Variants in PTPRD observed in about 807,000 individuals in gnomAD.
PTPRD encodes protein tyrosine phosphatase receptor type D, also known as receptor-type tyrosine-protein phosphatase delta.
A neutral mutation model predicts 214.5 loss-of-function variants in PTPRD; 34 were observed. That is an observed-to-expected ratio of 0.16 (90% CI 0.12 to 0.21). The LOEUF (loss-of-function observed/expected upper bound fraction) is 0.21. PTPRD is among the 10% of genes least tolerant of loss of function. The pLI is 1.00. For missense variants in PTPRD, 2,545 were observed against 2,398.7 expected (o/e 1.06, Z -1.27); for synonymous variants, 1,128 against 845.7 (o/e 1.33, Z -5.79).
At chr9:8,648,164 A>G (rs2096733567) in intron 12 of PTPRD, among the ~76,000 whole-genome samples, 1 of 152,220 alleles carries the variant, frequency 6.6e-6, no homozygotes, top group South Asian at 2.1e-4. Context: ...TTTGAGGGAA[A>G]TTTGTCATAA....
chr9:10,078,251 G>A (rs960277584), intron 3 of PTPRD, among the ~76,000 whole-genome samples: 2 of 151,200 alleles, frequency 1.3e-5, no homozygotes, highest in Middle Eastern at 3.4e-3. Flanking sequence ...AGTGGCTTAC[G>A]CATGTAATCC....
At chr9:8,828,711 G>A (rs147576070) in intron 11 of PTPRD, among the ~76,000 whole-genome samples, 3 of 152,190 alleles carry the variant, frequency 2.0e-5, no homozygotes, top group East Asian at 3.9e-4. Context: ...TATTATCTAC[G>A]CATCTCTAAA....
At chr9:9,440,658 T>G (rs1366460191) in intron 8 of PTPRD, among the ~76,000 whole-genome samples, 2 of 152,214 alleles carry the variant, frequency 1.3e-5, no homozygotes, top group East Asian at 3.9e-4. Context: ...TAAAACAATA[T>G]TATCCCAAAA....
intron 4 of PTPRD, among the ~76,000 whole-genome samples, chr9:10,009,853 A>G (rs551087731): frequency 9.2e-5 from 14 of 151,972 alleles, no homozygotes; most frequent in Admixed American, 2.6e-4. Flanking sequence ...GGAATTTGGT[A>G]TATTTTTGCT....
intron 5 of PTPRD, among the ~76,000 whole-genome samples, chr9:9,775,954 C>CAAA (rs59412193): frequency 0.15 from 4,237 of 28,888 alleles, 913 homozygotes; most frequent in East Asian, 0.39. Flanking sequence ...GACTCTGTCT[C>CAAA]AAAAAAAAAA....
chr9:8,753,523 T>C (rs1294304222), intron 11 of PTPRD, among the ~76,000 whole-genome samples: 1 of 152,180 alleles, frequency 6.6e-6, no homozygotes, highest in African/African-American at 2.4e-5. Flanking sequence ...TCTAACAGCA[T>C]GTTGTATGTG....
At chr9:8,920,135 G>C (rs897301810) in intron 11 of PTPRD, among the ~76,000 whole-genome samples, 2 of 152,080 alleles carry the variant, frequency 1.3e-5, no homozygotes, top group Non-Finnish European at 2.9e-5. Flanking sequence ...GAGCTGAGGA[G>C]TGTGAGACCA....
chr9:8,497,336 G>C, intron 25 of PTPRD, 68 bp from the exon 26 acceptor site: 2 of 1,333,388 alleles, frequency 1.5e-6, no homozygotes, highest in South Asian at 2.8e-5. Flanking sequence ...GCCTTATACA[G>C]GCAGTGTTGC....
At chr9:8,587,965 G>A (rs2093800388) in intron 14 of PTPRD, among the ~76,000 whole-genome samples, 1 of 152,122 alleles carries the variant, frequency 6.6e-6, no homozygotes, top group African/African-American at 2.4e-5. Flanking sequence ...TGCATCTCAG[G>A]CTAAGAAGCC....
chr9:9,706,470 A>G (rs2097610213), intron 7 of PTPRD, among the ~76,000 whole-genome samples: 1 of 150,420 alleles, frequency 6.6e-6, no homozygotes, highest in Non-Finnish European at 1.5e-5. Flanking sequence ...ATGGAGTTTC[A>G]CTCTGGTCTC....
chr9:8,504,393 T>A lies in PTPRD; in HGVS notation c.1690A>T (p.Ile564Phe), dbSNP rs368781521. Reference protein sequence around the residue: ...GEHGEEQRITIEPGTSYRLQG... With the variant: ...GEHGEEQRITFEPGTSYRLQG... ...AGCCTATATGATGTCCCTGGCTCAA[T>A]GGTAATTCGTTGCTGGAAGCAATAA... The change falls in exon 23 of 46, where the codon ATT (isoleucine) becomes TTT (phenylalanine). Residue 564 changes from isoleucine (I) to phenylalanine (F), a missense_variant. Transcript: ENST00000381196. 2 of 1,614,104 alleles carry A rather than the reference T, an allele frequency of 1.2e-6. No homozygotes were observed. Among genetic ancestry groups the A allele is most frequent in the South Asian group, 1.1e-5 (1 of 91,056 alleles).
intron 3 of PTPRD, among the ~76,000 whole-genome samples, chr9:10,230,416 CTATG>C (rs1178809397): frequency 1.6e-5 from 2 of 126,146 alleles, no homozygotes; most frequent in Non-Finnish European, 3.4e-5. Flanking sequence ...ATGTATCTAT[CTATG>C]TATCTATGTA....
At chr9:9,814,564 G>GA (rs1262366187) in intron 5 of PTPRD, among the ~76,000 whole-genome samples, 7 of 152,086 alleles carry the variant, frequency 4.6e-5, no homozygotes, top group African/African-American at 1.7e-4. Context: ...AAATACTTAT[G>GA]AATAAATTTA....
chr9:10,520,755 A>G (rs997108261), intron 2 of PTPRD, among the ~76,000 whole-genome samples: 3 of 152,090 alleles, frequency 2.0e-5, no homozygotes, highest in African/African-American at 7.2e-5. Context: ...AGGGCCCATT[A>G]GAATTATGTT....
chr9:8,632,130 T>G (rs1385328161), intron 14 of PTPRD, among the ~76,000 whole-genome samples: 1 of 146,472 alleles, frequency 6.8e-6, no homozygotes, highest in Non-Finnish European at 1.5e-5. Context: ...TTTGTGTGTG[T>G]GTGTGTGTGT....
At chr9:9,902,745 T>C (rs147827223) in intron 5 of PTPRD, among the ~76,000 whole-genome samples, 11 of 152,210 alleles carry the variant, frequency 7.2e-5, no homozygotes, top group Admixed American at 3.3e-4. Flanking sequence ...CTTAGATACA[T>C]AGATAAAACT....
At chr9:10,125,622 TTGTGTGTGTGTGTG>T (rs35164422) in intron 3 of PTPRD, among the ~76,000 whole-genome samples, 1 of 139,296 alleles carries the variant, frequency 7.2e-6, no homozygotes. Context: ...GCTCGGCTAA[TTGTGTGTGTGTGTG>T]TGTGTGTGTG....
chr9:10,221,481 C>A (rs777362784), intron 3 of PTPRD, among the ~76,000 whole-genome samples: 1 of 151,868 alleles, frequency 6.6e-6, no homozygotes, highest in Non-Finnish European at 1.5e-5. Context: ...ATATTGAACA[C>A]AACAGTTTTT....
chr9:9,495,321 A>AT (rs2096123859), intron 8 of PTPRD, among the ~76,000 whole-genome samples: 1 of 151,622 alleles, frequency 6.6e-6, no homozygotes, highest in South Asian at 2.1e-4. Flanking sequence ...AAAAAAAAAA[A>AT]AAAAGCAACA....
Sources: gnomAD v4.1 joint callset for allele counts (sites outside exome capture counted in the v4.1 genomes callset) on GRCh38, gnomAD v4.1.1 for gene constraint, MANE v1.5 for transcripts, NCBI Gene and HGNC (gene_info 2026-07-23, HGNC 2026-07-21) for gene names.